ROR1: variants seen among roughly 807,000 people sequenced by gnomAD.
The protein encoded by ROR1 is inactive tyrosine-protein kinase transmembrane receptor ROR1.
In ROR1, 19 loss-of-function variants were observed where a neutral mutation model predicts 78.8. The ratio of observed to expected loss-of-function variants is 0.24; its 90% CI spans 0.17 to 0.35. The LOEUF (loss-of-function observed/expected upper bound fraction) is 0.35, where lower values mean the gene tolerates loss of function less well. Ranked by LOEUF, ROR1 falls within the 10% of genes least tolerant of loss-of-function variation. The pLI is 1.00. For missense variants in ROR1, 917 were observed against 1,177.8 expected (o/e 0.78, Z 3.24); for synonymous variants, 386 against 433.6 (o/e 0.89, Z 1.36).
At chr1:64,016,733 T>TTTTATATATATATATATATA (rs1553151714) in intron 2 of ROR1, among the ~76,000 whole-genome samples, 73 of 140,598 alleles carry the variant, frequency 5.2e-4, no homozygotes, top group African/African-American at 1.7e-3. Flanking sequence ...TAAAATATAA[T>TTTTATATATATATATATATA]TATATATATA....
chr1:64,124,410 C>G (rs1378557281), intron 4 of ROR1, among the ~76,000 whole-genome samples: 1 of 152,152 alleles, frequency 6.6e-6, no homozygotes, highest in Non-Finnish European at 1.5e-5. Context: ...CTCTCTGTCT[C>G]CATCTGCCCC....
chr1:63,797,466 A>G (rs1008225537), intron 1 of ROR1, among the ~76,000 whole-genome samples: 7 of 152,216 alleles, frequency 4.6e-5, no homozygotes, highest in South Asian at 4.1e-4. Flanking sequence ...ATCACAGACT[A>G]TCAGAGTCCG....
chr1:63,916,033 T>G (rs1171297943), intron 1 of ROR1, among the ~76,000 whole-genome samples: 1 of 152,186 alleles, frequency 6.6e-6, no homozygotes, highest in Non-Finnish European at 1.5e-5. Context: ...GTTCAGTTGT[T>G]TTATCCCTAT....
At chr1:63,829,728 G>A (rs1644974914) in intron 1 of ROR1, among the ~76,000 whole-genome samples, 1 of 152,202 alleles carries the variant, frequency 6.6e-6, no homozygotes. Flanking sequence ...GACAGATCAA[G>A]GAGCGCTTTG....
intron 4 of ROR1, chr1:64,095,311 A>G (rs1411620851): frequency 6.6e-6 from 1 of 151,676 alleles, no homozygotes; most frequent in Non-Finnish European, 1.5e-5. Context: ...TTAACTTGAG[A>G]AGAGAAATCT....
At position 64,178,423 on chromosome 1, in the gene ROR1, G is replaced by A; in HGVS notation, c.2382G>A (p.Gln794=). The part of the protein sequence containing the change: ...PRYPNYMFPS[Q]GITPQGQIAG... ...ATCCTAATTACATGTTCCCGAGCCAGGGTATTACACCACAGGGCCAGATTG... is the reference window on the plus strand; with the variant it reads ...ATCCTAATTACATGTTCCCGAGCCAAGGTATTACACCACAGGGCCAGATTG... Residue 794 remains glutamine (Q), a synonymous_variant, in exon 9 of 9, where the codon CAG becomes CAA. Coordinates refer to ENST00000371079, the MANE Select transcript of ROR1 (RefSeq NM_005012.4). This position sits in a 1 kb window ranked among gnomAD's most constrained non-coding sequence, Gnocchi z 4.3. 6.2e-7 allele frequency: 1 copy of A among 1,614,160 alleles called. No homozygotes were observed. The highest frequency in any genetic ancestry group is 8.5e-7 in the Non-Finnish European group (1 of 1,180,028).
At chr1:64,086,115 C>T (rs909077075) in intron 4 of ROR1, among the ~76,000 whole-genome samples, 4 of 152,198 alleles carry the variant, frequency 2.6e-5, no homozygotes, top group African/African-American at 9.7e-5. Context: ...TTCCACCTAA[C>T]AACTGCATTT....
intron 1 of ROR1, among the ~76,000 whole-genome samples, chr1:63,969,183 G>A (rs1227814559): frequency 1.3e-5 from 2 of 152,074 alleles, no homozygotes; most frequent in Admixed American, 6.5e-5. Context: ...CCAGGTGCTG[G>A]GAATAAAAGA....
chr1:63,878,449 TTC>T (rs1248930025), intron 1 of ROR1, among the ~76,000 whole-genome samples: 1 of 152,160 alleles, frequency 6.6e-6, no homozygotes, highest in Non-Finnish European at 1.5e-5. Flanking sequence ...TCTGTACATT[TTC>T]TCTGTCCCCT....
chr1:63,863,373 C>A (rs569458137), intron 1 of ROR1, among the ~76,000 whole-genome samples: 1 of 152,262 alleles, frequency 6.6e-6, no homozygotes, highest in South Asian at 2.1e-4. Flanking sequence ...AACAGATAGA[C>A]ACTTCGGAGC....
chr1:63,993,389 A>G (rs1321686918), intron 1 of ROR1, among the ~76,000 whole-genome samples: 2 of 152,212 alleles, frequency 1.3e-5, no homozygotes, highest in Admixed American at 6.5e-5. Flanking sequence ...AAAAAGATGT[A>G]CAGTAAAACA....
chr1:64,169,776 G>A (rs1035309553), intron 8 of ROR1, among the ~76,000 whole-genome samples: 1 of 152,206 alleles, frequency 6.6e-6, no homozygotes, highest in African/African-American at 2.4e-5. Flanking sequence ...CAGATACAGT[G>A]GGGGTACAGG....
chr1:63,817,829 G>A (rs1181470963), intron 1 of ROR1, among the ~76,000 whole-genome samples: 3 of 152,182 alleles, frequency 2.0e-5, no homozygotes, highest in Non-Finnish European at 2.9e-5. Context: ...CTGGTTTGTG[G>A]GATACCCTGG....
At position 64,038,781 on chromosome 1, in the gene ROR1, G is replaced by A. The variant is rs143646819; in HGVS notation, c.164-10910G>A. 3.2e-3 allele frequency among the ~76,000 whole-genome samples: 490 copies of A among 152,136 alleles called. 3 individuals carry two copies. The highest frequency in any genetic ancestry group is 0.027 in the South Asian group (130 of 4,826). On this transcript the variant is annotated intron_variant, in intron 2 of 8. Coordinates refer to ENST00000371079, the MANE Select transcript of ROR1 (RefSeq NM_005012.4). ...TAGATAGCAAAATAAAAATAGATCC[G>A]TTCATCTCTTCATCTAGCATTTTAC...
intron 4 of ROR1, among the ~76,000 whole-genome samples, chr1:64,072,411 T>A (rs1647011672): frequency 6.6e-6 from 1 of 152,148 alleles, no homozygotes; most frequent in African/African-American, 2.4e-5. Flanking sequence ...CAGTTCTCAC[T>A]GCAGTAGGGG....
intron 1 of ROR1, among the ~76,000 whole-genome samples, chr1:63,777,761 A>T (rs1353329155): frequency 6.6e-6 from 1 of 152,160 alleles, no homozygotes; most frequent in African/African-American, 2.4e-5. Flanking sequence ...ATTTCTGAAA[A>T]TTTTACACAG....
intron 1 of ROR1, among the ~76,000 whole-genome samples, chr1:63,897,633 C>T (rs1190633759): frequency 2.6e-5 from 4 of 152,116 alleles, no homozygotes; most frequent in Non-Finnish European, 5.9e-5. Context: ...GAGCTAGGTA[C>T]CCAACAGGAC....
chr1:63,968,497 C>T (rs1462874939), intron 1 of ROR1, among the ~76,000 whole-genome samples: 2 of 151,064 alleles, frequency 1.3e-5, no homozygotes, highest in African/African-American at 4.9e-5. Context: ...TATTATTTTT[C>T]GTATGAGAAA....
intron 1 of ROR1, among the ~76,000 whole-genome samples, chr1:63,784,895 A>G (rs1224346957): frequency 6.6e-6 from 1 of 152,254 alleles, no homozygotes; most frequent in East Asian, 1.9e-4. Flanking sequence ...CAAAATTGCT[A>G]GTTCTCAGCG....
Sources: gnomAD v4.1 joint callset for allele counts (sites outside exome capture counted in the v4.1 genomes callset) on GRCh38, gnomAD v4.1.1 for gene constraint, Gnocchi (gnomAD v3.1) non-coding constraint, MANE v1.5 for transcripts, NCBI Gene and HGNC (gene_info 2026-07-23, HGNC 2026-07-21) for gene names.